GPHN: variants seen among roughly 807,000 people sequenced by gnomAD.
GPHN encodes gephyrin.
Under a neutral mutation model 95.5 loss-of-function variants are expected in GPHN, and 17 were observed. That is an observed-to-expected ratio of 0.18 (90% CI 0.12 to 0.27). The LOEUF (loss-of-function observed/expected upper bound fraction) is 0.27, where lower values mean the gene tolerates loss of function less well. Ranked by LOEUF, GPHN falls within the 10% of genes least tolerant of loss-of-function variation. The pLI, the probability that GPHN is intolerant of heterozygous loss-of-function variation, is 1.00. For missense variants in GPHN, 660 were observed against 978.1 expected (o/e 0.67, Z 4.34); for synonymous variants, 320 against 322.5 (o/e 0.99, Z 0.08).
At chr14:66,776,911 A>C (rs188466645) in intron 3 of GPHN, among the ~76,000 whole-genome samples, 1 of 152,152 alleles carries the variant, frequency 6.6e-6, no homozygotes, top group East Asian at 1.9e-4. Flanking sequence ...TTATACTTTA[A>C]GTTTTAGGGT....
At chr14:67,302,566 T>C in the GPHN span, 1 of 1,504,516 alleles carries the variant, frequency 6.6e-7, no homozygotes, top group Non-Finnish European at 8.9e-7. Context: ...GGTTTTTGAC[T>C]TGTTGGTAAG....
At chr14:67,595,913 T>G in the GPHN span, among the ~76,000 whole-genome samples, 151,774 of 152,318 alleles carry the variant, frequency 1, 75,617 homozygotes, top group Middle Eastern at 1. Flanking sequence ...CTTGTTAATA[T>G]AAAAGGTCCT....
the GPHN span, among the ~76,000 whole-genome samples, chr14:67,644,729 T>G: frequency 6.6e-6 from 1 of 152,226 alleles, no homozygotes. Flanking sequence ...CTGGGCATAG[T>G]GGCTCACGCC....
At chr14:67,189,496 C>G in the GPHN span, 1 of 152,112 alleles carries the variant, frequency 6.6e-6, no homozygotes, top group African/African-American at 2.4e-5. Context: ...AGAGTGGAAA[C>G]GTGCTATTTG....
chr14:67,302,585 G>C, the GPHN span: 1 of 1,451,684 alleles, frequency 6.9e-7, no homozygotes, highest in African/African-American at 1.5e-5. Flanking sequence ...AGTTGACGCA[G>C]CTAGAAGAAT....
At chr14:66,750,675 A>G (rs1272666342) in intron 2 of GPHN, among the ~76,000 whole-genome samples, 2 of 151,962 alleles carry the variant, frequency 1.3e-5, no homozygotes, top group African/African-American at 4.8e-5. Flanking sequence ...GTAAAATTCT[A>G]AGTATCACTG....
At chr14:66,581,858 A>C (rs1329607285) in intron 1 of GPHN, among the ~76,000 whole-genome samples, 1 of 152,042 alleles carries the variant, frequency 6.6e-6, no homozygotes, top group African/African-American at 2.4e-5. Context: ...TTGTAAATAT[A>C]TCTGCACCCA....
At chr14:66,695,017 T>C (rs2068021810) in intron 2 of GPHN, among the ~76,000 whole-genome samples, 2 of 151,794 alleles carry the variant, frequency 1.3e-5, no homozygotes, top group South Asian at 4.2e-4. Context: ...AAATTAGCCA[T>C]GCGCGGTGGT....
the GPHN span, among the ~76,000 whole-genome samples, chr14:67,291,445 C>T: frequency 2.6e-5 from 4 of 151,940 alleles, no homozygotes; most frequent in African/African-American, 4.8e-5. Context: ...CCACTGTTCC[C>T]GGCTAATTTT....
intron 1 of GPHN, among the ~76,000 whole-genome samples, chr14:66,557,831 G>T (rs986065335): frequency 3.9e-5 from 6 of 152,100 alleles, no homozygotes; most frequent in Non-Finnish European, 8.8e-5. Flanking sequence ...TTTCTTAAAA[G>T]TTATTTATTA....
chr14:66,620,865 A>T (rs936347257), intron 1 of GPHN, among the ~76,000 whole-genome samples: 2 of 152,186 alleles, frequency 1.3e-5, no homozygotes, highest in African/African-American at 4.8e-5. Context: ...GATACAATGG[A>T]GGTACAGGCA....
intron 2 of GPHN, among the ~76,000 whole-genome samples, chr14:66,737,966 C>G (rs899858926): frequency 6.6e-6 from 1 of 152,198 alleles, no homozygotes; most frequent in African/African-American, 2.4e-5. Flanking sequence ...CTTTAGAACT[C>G]TTCTCTGAAT....
the GPHN span, among the ~76,000 whole-genome samples, chr14:67,292,976 A>C: frequency 6.6e-6 from 1 of 152,298 alleles, no homozygotes; most frequent in South Asian, 2.1e-4. Context: ...AGTAACAAAT[A>C]TTTGAATTAC....
intron 1 of GPHN, among the ~76,000 whole-genome samples, chr14:66,513,890 A>G (rs1280938155): frequency 6.6e-6 from 1 of 151,868 alleles, no homozygotes; most frequent in Non-Finnish European, 1.5e-5. Flanking sequence ...TGTTTAAACA[A>G]CCCCAACAAT....
chr14:67,414,029 T>A, the GPHN span, among the ~76,000 whole-genome samples: 4 of 152,222 alleles, frequency 2.6e-5, no homozygotes, highest in South Asian at 8.3e-4. Flanking sequence ...AGCCAGGACT[T>A]GAGAGGTTGA....
chr14:66,813,414 G>A (rs1463499076), intron 3 of GPHN, among the ~76,000 whole-genome samples: 2 of 152,184 alleles, frequency 1.3e-5, no homozygotes, highest in Non-Finnish European at 2.9e-5. Context: ...GCTAAAGGAA[G>A]AGAAAGCTGG....
chr14:67,163,032 C>T (rs1001935844), intron 19 of GPHN, among the ~76,000 whole-genome samples: 9 of 151,974 alleles, frequency 5.9e-5, no homozygotes, highest in African/African-American at 2.2e-4. Context: ...TTAGCCAGGC[C>T]CAGTGGCCCA....
chr14:67,270,515 T>C, the GPHN span: 1 of 151,996 alleles, frequency 6.6e-6, no homozygotes, highest in African/African-American at 2.4e-5. Context: ...CTTCATAAGA[T>C]GGCCTGTTAT....
At chr14:67,068,594 C>CT (rs1240661120) in intron 11 of GPHN, among the ~76,000 whole-genome samples, 3 of 151,838 alleles carry the variant, frequency 2.0e-5, no homozygotes, top group Admixed American at 2.0e-4. Flanking sequence ...AAACTATGAG[C>CT]TTTTTTTTAA....
Sources: allele counts gnomAD v4.1 joint callset (sites outside exome capture counted in the v4.1 genomes callset), GRCh38; gene constraint gnomAD v4.1.1; transcripts MANE v1.5; gene names NCBI Gene and HGNC (gene_info 2026-07-23, HGNC 2026-07-21).